Variants in KALRN observed in about 807,000 individuals in gnomAD.
KALRN encodes kalirin.
In KALRN, 70 loss-of-function variants were observed where a neutral mutation model predicts 353.7. The observed-to-expected ratio is 0.20, with a 90% CI of 0.16 to 0.24. The LOEUF (loss-of-function observed/expected upper bound fraction) is 0.24. Ranked by LOEUF, KALRN falls within the 10% of genes least tolerant of loss-of-function variation. KALRN has a pLI of 1.00. For missense variants in KALRN, 2,791 were observed against 3,756.7 expected (o/e 0.74, Z 6.72); for synonymous variants, 1,391 against 1,434.8 (o/e 0.97, Z 0.69).
chr3:124,048,272 C>T (rs952514378), intron 1 of KALRN, among the ~76,000 whole-genome samples: 6 of 152,076 alleles, frequency 3.9e-5, no homozygotes, highest in Non-Finnish European at 7.4e-5. Context: ...GATATATGGT[C>T]AAAGTGAATA....
chr3:124,539,922 T>TTG (rs760016132), intron 33 of KALRN, among the ~76,000 whole-genome samples: 1,550 of 131,988 alleles, frequency 0.012, 4 homozygotes, highest in Middle Eastern at 0.017. Context: ...TAATTTTTTT[T>TTG]GGGGGGGGGG....
chr3:124,406,063 C>A (rs1164126229), intron 13 of KALRN, among the ~76,000 whole-genome samples: 1 of 152,186 alleles, frequency 6.6e-6, no homozygotes, highest in Non-Finnish European at 1.5e-5. Context: ...AACATTGGAA[C>A]TCATCAATTA....
chr3:124,412,579 A>C (rs1269603231), intron 13 of KALRN, among the ~76,000 whole-genome samples: 1 of 152,206 alleles, frequency 6.6e-6, no homozygotes. Flanking sequence ...TTGTAAAGGA[A>C]GTGTAGGATT....
chr3:124,646,404 T>TTTTTTTTTTTTTTTTTG (rs2082730898), intron 37 of KALRN, among the ~76,000 whole-genome samples: 1 of 148,076 alleles, frequency 6.8e-6, no homozygotes, highest in African/African-American at 2.5e-5. Context: ...TTTTTTTTTT[T>TTTTTTTTTTTTTTTTTG]TTTTGAGACA....
At chr3:124,100,788 C>A (rs577028021) in intron 1 of KALRN, among the ~76,000 whole-genome samples, 3 of 152,164 alleles carry the variant, frequency 2.0e-5, no homozygotes, top group African/African-American at 7.2e-5. Flanking sequence ...TCTTAGAAAG[C>A]GTAATGTCCA....
chr3:124,387,502 G>A (rs2088561010), intron 11 of KALRN, among the ~76,000 whole-genome samples: 1 of 152,174 alleles, frequency 6.6e-6, no homozygotes, highest in Admixed American at 6.5e-5. Flanking sequence ...TGGTTTTATA[G>A]CTAGGTTGTA....
chr3:124,526,463 T>A (rs1429852528), intron 33 of KALRN, among the ~76,000 whole-genome samples: 2 of 151,896 alleles, frequency 1.3e-5, no homozygotes, highest in African/African-American at 4.8e-5. Flanking sequence ...TAGTCCTAGC[T>A]ACTTGGGAGG....
At chr3:124,311,782 A>C (rs2078293321) in intron 6 of KALRN, among the ~76,000 whole-genome samples, 1 of 152,274 alleles carries the variant, frequency 6.6e-6, no homozygotes, top group Admixed American at 6.5e-5. Context: ...GACAAAATGT[A>C]GTATCTTCAT....
intron 1 of KALRN, among the ~76,000 whole-genome samples, chr3:124,053,887 A>G (rs2041274705): frequency 6.6e-6 from 1 of 152,236 alleles, no homozygotes. Flanking sequence ...GTGCATAAAC[A>G]TTCCATTGGG....
rs1048609003 is a variant in KALRN, at chr3:124,036,774, A to C, written c.73+2961A>C. On this transcript the variant is annotated intron_variant, in intron 1 of 59. Coordinates refer to ENST00000682506, the MANE Select transcript of KALRN (RefSeq NM_001388419.1). ...GGACCAAACTGGAAATTGCTTTGTC[A>C]AAATTCTGGCATACTGTGCTTCTAA... Among the ~76,000 whole-genome samples, 38 of 152,258 alleles carry C rather than the reference A, an allele frequency of 2.5e-4. 1 individual carries two copies. Among genetic ancestry groups the C allele is most frequent in the African/African-American group, 9.2e-4 (38 of 41,478 alleles).
At chr3:124,558,280 A>T (rs2071526590) in intron 33 of KALRN, among the ~76,000 whole-genome samples, 1 of 148,824 alleles carries the variant, frequency 6.7e-6, no homozygotes, top group African/African-American at 2.5e-5. Flanking sequence ...TACCGCCAGA[A>T]TTTTTTTTTT....
At chr3:124,717,112 T>A in intron 58 of KALRN, 135 bp from the exon 59 acceptor site, 3 of 663,928 alleles carry the variant, frequency 4.5e-6, no homozygotes, top group Non-Finnish European at 7.3e-6. Context: ...TAAATATGCA[T>A]GTGTTGCACA....
At chr3:124,322,232 G>A (rs2079408959) in intron 6 of KALRN, among the ~76,000 whole-genome samples, 2 of 152,192 alleles carry the variant, frequency 1.3e-5, no homozygotes, top group South Asian at 4.1e-4. Context: ...ATATACCTCT[G>A]GAGTAGGCAG....
chr3:124,717,417 T>G, intron 59 of KALRN, 32 bp downstream of exon 59: 2 of 1,538,300 alleles, frequency 1.3e-6, no homozygotes, highest in East Asian at 4.6e-5. Context: ...CTGGGCGCAG[T>G]GGCTCACGCC....
chr3:124,366,181 G>A (rs1474361460), intron 10 of KALRN, among the ~76,000 whole-genome samples: 6 of 151,546 alleles, frequency 4.0e-5, no homozygotes, highest in Non-Finnish European at 1.5e-5. Context: ...TTTTGTGATT[G>A]TATATTTTAT....
At position 124,198,302 on chromosome 3, in the gene KALRN, C is replaced by T. The variant is rs2075636380; in HGVS notation, c.74-29688C>T. On this transcript the variant is annotated intron_variant, in intron 1 of 59. Coordinates refer to ENST00000682506, the MANE Select transcript of KALRN (RefSeq NM_001388419.1). Reference sequence around the variant, plus strand: ...TCCATAACTCATGATTTGTGCAACACAGTCAAGTTTCTTAACTTCTTTAAG... The same window carrying T: ...TCCATAACTCATGATTTGTGCAACATAGTCAAGTTTCTTAACTTCTTTAAG... Among the ~76,000 whole-genome samples, 3 of 152,224 alleles carry T rather than the reference C, an allele frequency of 2.0e-5. No homozygotes were observed. In the South Asian group the frequency reaches 6.2e-4, roughly 32 times the overall value.
chr3:124,205,137 T>G (rs557236838), intron 1 of KALRN, among the ~76,000 whole-genome samples: 1 of 152,354 alleles, frequency 6.6e-6, no homozygotes, highest in African/African-American at 2.4e-5. Flanking sequence ...AGTGACGTGC[T>G]GGCAATGTTT....
intron 34 of KALRN, among the ~76,000 whole-genome samples, chr3:124,598,959 G>T (rs2076531299): frequency 6.6e-6 from 1 of 150,806 alleles, no homozygotes; most frequent in East Asian, 1.9e-4. Flanking sequence ...TACAGGTGTA[G>T]CCACCACGCC....
intron 45 of KALRN, among the ~76,000 whole-genome samples, chr3:124,662,379 A>AT (rs2085002979): frequency 6.6e-6 from 1 of 151,580 alleles, no homozygotes; most frequent in South Asian, 2.1e-4. Flanking sequence ...ATTTTTAAAT[A>AT]TTTTTTATAT....
Sources: allele counts gnomAD v4.1 joint callset (sites outside exome capture counted in the v4.1 genomes callset), GRCh38; gene constraint gnomAD v4.1.1; transcripts MANE v1.5; gene names NCBI Gene and HGNC (gene_info 2026-07-23, HGNC 2026-07-21).